The following DIAPH2 variants were observed in gnomAD, a reference collection of about 807,000 sequenced individuals.
DIAPH2 encodes the protein protein diaphanous homolog 2.
A neutral mutation model predicts 92.7 loss-of-function variants in DIAPH2; 35 were observed. The ratio of observed to expected loss-of-function variants is 0.38; its 90% CI spans 0.29 to 0.50. The LOEUF is 0.50. DIAPH2 is among the 20% of genes least tolerant of loss of function. DIAPH2 has a pLI of 0.94. For missense variants in DIAPH2, 701 were observed against 819.5 expected, an observed-to-expected ratio of 0.86 and a Z score of 1.77; for synonymous variants, 301 against 280.4, an observed-to-expected ratio of 1.07 and a Z score of -0.73.
At chrX:97,253,216 A>T (rs1162195107) in intron 23 of DIAPH2, among the ~76,000 whole-genome samples, 1 of 108,104 alleles carries the variant, frequency 9.3e-6, no homozygotes. Flanking sequence ...TGAACCTGGC[A>T]GGCGGAGGTT....
At chrX:97,366,012 G>T (rs1282575269) in intron 24 of DIAPH2, among the ~76,000 whole-genome samples, 1 of 111,563 alleles carries the variant, frequency 9.0e-6, no homozygotes, top group Non-Finnish European at 1.9e-5. Flanking sequence ...TTGTTAATGT[G>T]GCTTTTGTAA....
intron 3 of DIAPH2, 115 bp downstream of exon 3, chrX:96,738,877 C>G (rs2064103019): frequency 1.9e-6 from 1 of 533,965 alleles, no homozygotes; most frequent in Non-Finnish European, 2.8e-6. Context: ...AAGAAGAGAC[C>G]AGAAACTTGA....
At chrX:96,942,613 A>G (rs2065712274) in intron 13 of DIAPH2, among the ~76,000 whole-genome samples, 1 of 111,117 alleles carries the variant, frequency 9.0e-6, no homozygotes, top group South Asian at 3.8e-4. Flanking sequence ...CAAATGGATC[A>G]ATTTATATTT....
intron 4 of DIAPH2, among the ~76,000 whole-genome samples, chrX:96,827,868 C>A (rs1250961451): frequency 9.0e-6 from 1 of 111,355 alleles, no homozygotes; most frequent in South Asian, 3.8e-4. Flanking sequence ...GCTGCCCAGG[C>A]TGGTGTGCAG....
chrX:97,174,335 G>A (rs181097237), intron 22 of DIAPH2, among the ~76,000 whole-genome samples: 1 of 110,785 alleles, frequency 9.0e-6, no homozygotes, highest in East Asian at 2.8e-4. Flanking sequence ...GACGTAGCAA[G>A]AATGTAAAGT....
At chrX:97,204,574 G>C (rs2067779978) in intron 22 of DIAPH2, among the ~76,000 whole-genome samples, 1 of 111,333 alleles carries the variant, frequency 9.0e-6, no homozygotes, top group African/African-American at 3.3e-5. Flanking sequence ...ATTCACAATT[G>C]CTACAAAGAT....
intron 21 of DIAPH2, among the ~76,000 whole-genome samples, chrX:97,138,337 T>C (rs1174128266): frequency 9.0e-6 from 1 of 110,504 alleles, no homozygotes; most frequent in Non-Finnish European, 1.9e-5. Context: ...AAAATATATG[T>C]AGTATCTTTC....
intron 1 of DIAPH2, among the ~76,000 whole-genome samples, chrX:96,688,622 C>A (rs1174512835): frequency 8.9e-6 from 1 of 112,373 alleles, no homozygotes; most frequent in Non-Finnish European, 1.9e-5. Flanking sequence ...CAGGCTTGAG[C>A]CACTGCACCC....
Position 97,132,903 on chromosome X carries a change from A to T in DIAPH2, c.2590-8762A>T, listed in dbSNP as rs562754788. On this transcript the variant is annotated intron_variant, in intron 21 of 26. Transcript: ENST00000324765. ...GTTAGGAATGTTTCCTTGACACAGA[A>T]GGATTAGGCAATTTTTTTTTTTCCT... Among the ~76,000 whole-genome samples the T allele has an allele frequency of 1.3e-4, 14 of 110,305 alleles. No homozygotes were observed. In the South Asian group the frequency reaches 5.3e-3, roughly 42 times the overall value.
At chrX:97,185,353 GTGTGTA>G (rs1480187198) in intron 22 of DIAPH2, among the ~76,000 whole-genome samples, 1 of 18,399 alleles carries the variant, frequency 5.4e-5, no homozygotes, top group African/African-American at 6.0e-4. Flanking sequence ...ATATATATAT[GTGTGTA>G]TATATATATG....
intron 22 of DIAPH2, among the ~76,000 whole-genome samples, chrX:97,207,049 T>C (rs2067802744): frequency 1.8e-5 from 2 of 111,413 alleles, no homozygotes; most frequent in Non-Finnish European, 3.8e-5. Context: ...CTACTGCCAG[T>C]GTCATGGACC....
At chrX:97,439,253 C>T (rs983556870) in intron 26 of DIAPH2, among the ~76,000 whole-genome samples, 1 of 110,982 alleles carries the variant, frequency 9.0e-6, no homozygotes, top group Non-Finnish European at 1.9e-5. Context: ...CACAGGGCGA[C>T]CTTGTCTCTA....
chrX:96,689,021 C>A (rs886798281), intron 1 of DIAPH2, among the ~76,000 whole-genome samples: 1 of 109,396 alleles, frequency 9.1e-6, no homozygotes, highest in Non-Finnish European at 1.9e-5. Context: ...CATGGAGAGG[C>A]ATCTACGTAG....
intron 4 of DIAPH2, among the ~76,000 whole-genome samples, chrX:96,795,643 G>A (rs1252105403): frequency 9.0e-6 from 1 of 111,641 alleles, no homozygotes; most frequent in Non-Finnish European, 1.9e-5. Context: ...TATACACATT[G>A]AAGATTATGT....
intron 15 of DIAPH2, among the ~76,000 whole-genome samples, chrX:96,957,097 T>G (rs1255399423): frequency 8.9e-6 from 1 of 112,676 alleles, no homozygotes; most frequent in Non-Finnish European, 1.9e-5. Context: ...CTCAGCTCAC[T>G]GCAACCTCTG....
At chrX:97,469,768 G>C in intron 26 of DIAPH2, 1 of 1,198,330 alleles carries the variant, frequency 8.3e-7, no homozygotes, top group Non-Finnish European at 1.1e-6. Flanking sequence ...GTTTTAAACA[G>C]GATTGGGTGA....
intron 22 of DIAPH2, among the ~76,000 whole-genome samples, chrX:97,204,575 C>T (rs1204657997): frequency 9.0e-6 from 1 of 111,152 alleles, no homozygotes; most frequent in Admixed American, 9.6e-5. Context: ...TTCACAATTG[C>T]TACAAAGATA....
intron 14 of DIAPH2, among the ~76,000 whole-genome samples, 193 bp from the exon 15 acceptor site, chrX:96,948,742 G>A (rs1454076148): frequency 9.1e-6 from 1 of 109,974 alleles, no homozygotes; most frequent in Non-Finnish European, 1.9e-5. Flanking sequence ...TTGGGTAGGG[G>A]GCATATTTCT....
intron 26 of DIAPH2, among the ~76,000 whole-genome samples, chrX:97,532,036 T>A (rs1458506322): frequency 8.9e-6 from 1 of 112,744 alleles, no homozygotes; most frequent in African/African-American, 3.2e-5. Flanking sequence ...CAGCATTTTT[T>A]AATATCATAT....
Sources: allele counts gnomAD v4.1 joint callset (sites outside exome capture counted in the v4.1 genomes callset), GRCh38; gene constraint gnomAD v4.1.1; transcripts MANE v1.5; gene names NCBI Gene and HGNC (gene_info 2026-07-23, HGNC 2026-07-21).